Variants in NRCAM observed in about 807,000 individuals in gnomAD.
The protein encoded by NRCAM is NgCAM-related cell adhesion molecule.
NRCAM carries 83 observed loss-of-function variants against 156.5 expected under a neutral mutation model. That is an observed-to-expected ratio of 0.53 (90% CI 0.44 to 0.64). The LOEUF (loss-of-function observed/expected upper bound fraction) is 0.64, where lower values mean the gene tolerates loss of function less well. Ranked by LOEUF, NRCAM falls within the 30% of genes least tolerant of loss-of-function variation. The probability of loss-of-function intolerance (pLI) is 0.00; values close to 1 mark genes in which losing one functional copy is unlikely to be tolerated. For synonymous variants in NRCAM, 538 were observed against 563.9 expected (o/e 0.95, Z 0.65); for missense variants, 1,417 against 1,597.3 (o/e 0.89, Z 1.92).
Position 108,184,267 on chromosome 7 carries a change from G to C in NRCAM, c.2278C>G (p.Pro760Ala), listed in dbSNP as rs375892519. 2 of 1,613,814 alleles carry C rather than the reference G, an allele frequency of 1.2e-6. No homozygotes were observed. Among genetic ancestry groups the C allele is most frequent in the African/African-American group, 2.7e-5 (2 of 74,854 alleles). The part of the protein sequence containing the change: ...PTAVEGLGSE[P>A]DNLVITWKPL... ...TTCCACGTAATCACCAAATTATCAG[G>C]CTCTGATCCCAGTCCTTCCACAGCT... Residue 760 changes from proline (P) to alanine (A), a missense_variant, in exon 22 of 33, where the codon CCT becomes GCT. Physicochemically the swap from Pro to Ala is conservative, Grantham distance 27. Coordinates refer to ENST00000379028, the MANE Select transcript of NRCAM (RefSeq NM_001037132.4).
intron 20 of NRCAM, 41 bp from the exon 21 acceptor site, chr7:108,184,655 T>C: frequency 6.3e-7 from 1 of 1,578,086 alleles, no homozygotes; most frequent in Non-Finnish European, 8.7e-7. Context: ...GACCGTGAAT[T>C]CAGTCAACTC....
intron 2 of NRCAM, among the ~76,000 whole-genome samples, chr7:108,369,731 C>G (rs752040888): frequency 6.6e-5 from 10 of 152,058 alleles, no homozygotes; most frequent in Non-Finnish European, 1.2e-4. Context: ...TCTTTAAATT[C>G]TCCCACATTA....
At chr7:108,182,603 C>G (rs889697085) in intron 23 of NRCAM, 92 bp downstream of exon 23, 71 of 1,111,870 alleles carry the variant, frequency 6.4e-5, no homozygotes, top group Non-Finnish European at 9.3e-5. Flanking sequence ...TGCCACCTCC[C>G]TCCCTTGCAA....
chr7:108,273,196 C>T (rs551119909), intron 3 of NRCAM, among the ~76,000 whole-genome samples: 41 of 152,130 alleles, frequency 2.7e-4, no homozygotes, highest in African/African-American at 8.9e-4. Context: ...TGAATAGTGC[C>T]GCAATAAACA....
At chr7:108,359,690 A>T (rs976290511) in intron 2 of NRCAM, among the ~76,000 whole-genome samples, 1 of 152,152 alleles carries the variant, frequency 6.6e-6, no homozygotes, top group Non-Finnish European at 1.5e-5. Flanking sequence ...AGCAACCAAA[A>T]TTTTTTTATT....
rs2098286499 is a variant in NRCAM, at chr7:108,291,455, A to G, written c.-107+21210T>C. Among the ~76,000 whole-genome samples, 5 of 152,342 alleles carry G rather than the reference A, an allele frequency of 3.3e-5. No homozygotes were observed. In the South Asian group the frequency reaches 1.0e-3, roughly 32 times the overall value. ...AGTGTAATGACTGGCATAACAACAT[A>G]GAAAAAGACAAGTTGATTTTAAAGA... On this transcript the variant is annotated intron_variant, in intron 3 of 32. Transcript: ENST00000379028.
At chr7:108,434,644 A>G (rs1012207950) in intron 1 of NRCAM, among the ~76,000 whole-genome samples, 7 of 152,078 alleles carry the variant, frequency 4.6e-5, no homozygotes, top group East Asian at 3.8e-4. Context: ...TAAAGTTTGA[A>G]TGTACTCTCC....
intron 32 of NRCAM, among the ~76,000 whole-genome samples, chr7:108,155,143 CATAT>C (rs200736358): frequency 3.8e-5 from 4 of 104,892 alleles, no homozygotes; most frequent in African/African-American, 1.8e-4. Context: ...CACACACACA[CATAT>C]AGCAGACCTT....
chr7:108,300,710 T>C (rs922109894), intron 3 of NRCAM, among the ~76,000 whole-genome samples: 2 of 152,174 alleles, frequency 1.3e-5, no homozygotes, highest in African/African-American at 4.8e-5. Context: ...CCATTTTTTT[T>C]CTAATTTATT....
At chr7:108,166,050 C>T (rs1254135687) in intron 30 of NRCAM, among the ~76,000 whole-genome samples, 2 of 149,946 alleles carry the variant, frequency 1.3e-5, no homozygotes, top group African/African-American at 5.1e-5. Context: ...TTTTTACTTG[C>T]ATATTTTGTT....
chr7:108,401,682 A>G (rs559430039), intron 1 of NRCAM, among the ~76,000 whole-genome samples: 2 of 152,320 alleles, frequency 1.3e-5, no homozygotes, highest in South Asian at 4.1e-4. Context: ...CAATGTATCA[A>G]TGAGGGAACT....
At chr7:108,230,788 T>G (rs1449807002) in intron 8 of NRCAM, among the ~76,000 whole-genome samples, 1 of 152,122 alleles carries the variant, frequency 6.6e-6, no homozygotes, top group African/African-American at 2.4e-5. Flanking sequence ...CTTATTGCAT[T>G]TATCATCTGC....
At chr7:108,354,594 C>T (rs2099467396) in intron 2 of NRCAM, among the ~76,000 whole-genome samples, 1 of 152,154 alleles carries the variant, frequency 6.6e-6, no homozygotes, top group Admixed American at 6.6e-5. Flanking sequence ...ATAAGAACAA[C>T]ATTTAAAAAG....
chr7:108,291,871 G>A (rs914676011), intron 3 of NRCAM, among the ~76,000 whole-genome samples: 1 of 152,158 alleles, frequency 6.6e-6, no homozygotes, highest in African/African-American at 2.4e-5. Flanking sequence ...GTTACACAAA[G>A]ACAACCTGAC....
chr7:108,273,081 C>A (rs1240979819), intron 3 of NRCAM, among the ~76,000 whole-genome samples: 1 of 152,186 alleles, frequency 6.6e-6, no homozygotes, highest in Admixed American at 6.5e-5. Context: ...ATGAACTCAT[C>A]CTTTTTTATG....
intron 2 of NRCAM, among the ~76,000 whole-genome samples, chr7:108,342,989 TATAAC>T (rs2099310413): frequency 6.6e-6 from 1 of 152,220 alleles, no homozygotes; most frequent in Non-Finnish European, 1.5e-5. Context: ...GAAGAAAAGA[TATAAC>T]ATAACTGTCA....
chr7:108,418,354 T>A (rs951122327), intron 1 of NRCAM, among the ~76,000 whole-genome samples: 3 of 152,090 alleles, frequency 2.0e-5, no homozygotes, highest in Non-Finnish European at 4.4e-5. Flanking sequence ...ACTCACAGAA[T>A]AATATGCAGG....
intron 3 of NRCAM, among the ~76,000 whole-genome samples, chr7:108,254,269 A>T (rs1200814823): frequency 6.6e-6 from 1 of 152,242 alleles, no homozygotes; most frequent in Non-Finnish European, 1.5e-5. Context: ...AACTAAGAAG[A>T]CAAAACAAGT....
rs59295323 is a variant in NRCAM, at chr7:108,408,684, A to G, written c.-331-9091T>C. 7.0e-3 allele frequency among the ~76,000 whole-genome samples: 1,068 copies of G among 152,378 alleles called. 8 individuals are homozygous for G. The highest frequency in any genetic ancestry group is 0.024 in the African/African-American group (1,011 of 41,594). On this transcript the variant is annotated intron_variant, in intron 1 of 32. Transcript: ENST00000379028. The stretch of plus-strand genomic sequence containing the variant: ...CACATATGTCTTTACTCCGTTACTA[A>G]TATGAAACTTTGAACATAATTAGTG...
Sources: allele counts gnomAD v4.1 joint callset (sites outside exome capture counted in the v4.1 genomes callset), GRCh38; gene constraint gnomAD v4.1.1; transcripts MANE v1.5; gene names NCBI Gene and HGNC (gene_info 2026-07-23, HGNC 2026-07-21).